The following BPIFB2 variants were observed in gnomAD, a reference collection of about 807,000 sequenced individuals.
The protein encoded by BPIFB2 is BPI fold-containing family B member 2.
In BPIFB2, 39 loss-of-function variants were observed where a neutral mutation model predicts 50.1. That is an observed-to-expected ratio of 0.78 (90% confidence interval 0.60 to 1.02). BPIFB2 has a LOEUF of 1.02. Among genes scored for constraint, BPIFB2 ranks in the 50% least tolerant of loss-of-function variants. BPIFB2 has a pLI of 0.00. For missense variants in BPIFB2, 574 were observed against 585.8 expected (o/e 0.98, Z 0.21); for synonymous variants, 280 against 256.3 (o/e 1.09, Z -0.88).
chr20:33,018,507 C>A, intron 8 of BPIFB2, 130 bp from the exon 9 acceptor site: 1 of 1,318,112 alleles, frequency 7.6e-7, no homozygotes, highest in Non-Finnish European at 1.1e-6. Context: ...AAAGTGTGAA[C>A]TACACATGTG....
intron 7 of BPIFB2, 87 bp from the exon 8 acceptor site, chr20:33,018,172 C>A (rs1253485583): frequency 4.8e-6 from 5 of 1,043,802 alleles, no homozygotes; most frequent in South Asian, 3.1e-5. Context: ...GGTAATCAGA[C>A]AATAAATAAA....
intron 14 of BPIFB2, 92 bp from the exon 15 acceptor site, chr20:33,021,631 G>A: frequency 7.6e-7 from 1 of 1,313,136 alleles, no homozygotes; most frequent in Non-Finnish European, 1.1e-6. Context: ...CCATCTTCCA[G>A]ATGCCTGCGA....
intron 13 of BPIFB2, 129 bp from the exon 14 acceptor site, chr20:33,021,152 T>C: frequency 9.9e-7 from 1 of 1,012,108 alleles, no homozygotes; most frequent in East Asian, 2.6e-5. Flanking sequence ...CCTTCCTCCC[T>C]GTGCCTCAGC....
intron 1 of BPIFB2, 47 bp from the exon 2 acceptor site, chr20:33,008,494 G>A (rs147344485): frequency 1.6e-6 from 2 of 1,212,608 alleles, no homozygotes; most frequent in Non-Finnish European, 2.3e-6. Flanking sequence ...GGTGGCTCAG[G>A]GGTGGGCTGT....
rs11905303 is a variant in BPIFB2, at chr20:33,009,059, T to C, written c.109+376T>C. Among the ~76,000 whole-genome samples, 9,869 of 152,236 alleles carry C rather than the reference T, an allele frequency of 0.065. 1,105 individuals are homozygous for C. Among genetic ancestry groups the C allele is most frequent in the African/African-American group, 0.22 (9,250 of 41,500 alleles). Reference sequence around the variant, plus strand: ...AAGTGTCGGGGAGGGTGCAAGCCCATGATGCTGCCTGGATGTGTGTGCACA... The same window carrying C: ...AAGTGTCGGGGAGGGTGCAAGCCCACGATGCTGCCTGGATGTGTGTGCACA... On this transcript the variant is annotated intron_variant, in intron 2 of 15. Coordinates refer to ENST00000170150, the MANE Select transcript of BPIFB2 (RefSeq NM_025227.3). This position sits in a 1 kb window ranked among gnomAD's most constrained non-coding sequence, Gnocchi z 4.2.
intron 9 of BPIFB2, 100 bp downstream of exon 9, chr20:33,018,922 C>T (rs536970824): frequency 4.1e-5 from 64 of 1,566,720 alleles, no homozygotes; most frequent in Non-Finnish European, 5.1e-5. Flanking sequence ...TGGGTGGGGC[C>T]GCTGAAGCTG....
intron 6 of BPIFB2, among the ~76,000 whole-genome samples, chr20:33,015,723 G>A (rs1421682966): frequency 1.3e-5 from 2 of 152,086 alleles, no homozygotes; most frequent in Non-Finnish European, 2.9e-5. Context: ...GAGGGGAGGG[G>A]GAGGTTCATC....
intron 4 of BPIFB2, among the ~76,000 whole-genome samples, chr20:33,013,348 C>T (rs376386261): frequency 2.4e-4 from 37 of 152,298 alleles, no homozygotes; most frequent in African/African-American, 8.4e-4. Context: ...ACACCATGAG[C>T]TGTGCAGTCA....
Position 33,008,543 on chromosome 20 carries a change from C to T in BPIFB2, c.-32C>T. The stretch of plus-strand genomic sequence containing the variant: ...CCTGATGCTCATTTCTACCCCAGCC[C>T]ACAGATCCTGTGGGCAGCGGCCAGG... On this transcript the variant is annotated splice_region_variant and 5_prime_UTR_variant, in exon 2 of 16. Coordinates refer to ENST00000170150, the MANE Select transcript of BPIFB2 (RefSeq NM_025227.3). The T allele has an allele frequency of 6.5e-7, 1 of 1,542,596 alleles. No homozygotes were observed. Among genetic ancestry groups the T allele is most frequent in the Non-Finnish European group, 8.8e-7 (1 of 1,140,182 alleles).
intron 14 of BPIFB2, 98 bp from the exon 15 acceptor site, chr20:33,021,625 C>A: frequency 7.9e-7 from 1 of 1,258,154 alleles, no homozygotes; most frequent in Non-Finnish European, 1.2e-6. Flanking sequence ...TGGCATCCAT[C>A]TTCCAGATGC....
At chr20:33,021,629 C>A in intron 14 of BPIFB2, 94 bp from the exon 15 acceptor site, 1 of 1,288,750 alleles carries the variant, frequency 7.8e-7, no homozygotes, top group Non-Finnish European at 1.1e-6. Flanking sequence ...ATCCATCTTC[C>A]AGATGCCTGC....
intron 2 of BPIFB2, 82 bp downstream of exon 2, chr20:33,008,765 T>A: frequency 8.3e-7 from 1 of 1,211,772 alleles, no homozygotes; most frequent in South Asian, 1.6e-5. Flanking sequence ...AGCTGTGAAC[T>A]CAAAAGGCCC....
chr20:33,014,021 G>C (rs1288088660), intron 5 of BPIFB2, 65 bp downstream of exon 5: 32 of 1,557,566 alleles, frequency 2.1e-5, no homozygotes, highest in Non-Finnish European at 2.6e-5. Context: ...GCTGTTTCCT[G>C]AGCTGCCCAC....
intron 7 of BPIFB2, 80 bp downstream of exon 7, chr20:33,017,182 C>A: frequency 7.3e-7 from 1 of 1,369,958 alleles, no homozygotes; most frequent in Non-Finnish European, 1.0e-6. Context: ...AGGCTCCACT[C>A]TGGATCACGG....
In BPIFB2 at chr20:33,015,448, G is replaced by A. The variant is rs778850345; in HGVS notation, c.468G>A (p.Ala156=). The change falls in exon 6 of 16, where the codon GCG becomes GCA. Residue 156 remains alanine, a synonymous_variant. Coordinates refer to ENST00000170150, the MANE Select transcript of BPIFB2 (RefSeq NM_025227.3). ...EFDGSNSTSH[A]LLVLVQKHIK... is the part of the protein sequence containing the mutation. ...GTTTCTCCCTCAGCACCTCCCACGC[G>A]CTGCTGGTCCTGGTGCAGAAGCACA... is the stretch of plus-strand genomic sequence containing the variant. 22 of 1,613,456 alleles carry A rather than the reference G, an allele frequency of 1.4e-5. No individual in the cohort carries two copies. Among genetic ancestry groups the A allele is most frequent in the South Asian group, 2.2e-5 (2 of 91,024 alleles).
chr20:33,011,151 T>C, intron 3 of BPIFB2, 34 bp downstream of exon 3: 1 of 1,591,232 alleles, frequency 6.3e-7, no homozygotes, highest in Non-Finnish European at 8.6e-7. Context: ...AAGGTGCTCC[T>C]GCCACCAAGT....
chr20:33,018,920 G>A, intron 9 of BPIFB2, 98 bp downstream of exon 9: 1 of 1,566,358 alleles, frequency 6.4e-7, no homozygotes, highest in Non-Finnish European at 8.7e-7. Context: ...GGTGGGTGGG[G>A]CCGCTGAAGC....
Position 33,023,453 on chromosome 20 carries a change from T to G in BPIFB2, c.*70T>G. 6.4e-7 allele frequency: 1 copy of G among 1,554,034 alleles called. No individual in the cohort carries two copies. Among genetic ancestry groups the G allele is most frequent in the South Asian group, 1.1e-5 (1 of 89,614 alleles). ...AGGCGAATTTCTCATTTCAAGCCAC[T>G]GGGGAAACTGAGGCAAAACCATACT... On this transcript the variant is annotated 3_prime_UTR_variant, in exon 16 of 16. Coordinates refer to ENST00000170150, the MANE Select transcript of BPIFB2 (RefSeq NM_025227.3).
chr20:33,016,134 T>TC (rs1333687957), intron 6 of BPIFB2, among the ~76,000 whole-genome samples: 1 of 151,954 alleles, frequency 6.6e-6, no homozygotes, highest in Non-Finnish European at 1.5e-5. Context: ...CTCTGCCCTA[T>TC]CCCATCCCAA....
Sources: gnomAD v4.1 joint callset for allele counts (sites outside exome capture counted in the v4.1 genomes callset) on GRCh38, gnomAD v4.1.1 for gene constraint, Gnocchi (gnomAD v3.1) non-coding constraint, MANE v1.5 for transcripts, NCBI Gene and HGNC (gene_info 2026-07-23, HGNC 2026-07-21) for gene names.